The following ARHGEF10 variants were observed in gnomAD, a reference collection of about 807,000 sequenced individuals.
ARHGEF10 encodes the protein Rho guanine nucleotide exchange factor 10.
ARHGEF10 carries 140 observed loss-of-function variants against 147.4 expected under a neutral mutation model. The observed-to-expected ratio is 0.95, with a 90% CI of 0.83 to 1.09. The LOEUF is 1.09. Ranked by LOEUF, ARHGEF10 falls within the 50% of genes least tolerant of loss-of-function variation. The pLI, the probability that ARHGEF10 is intolerant of heterozygous loss-of-function variation, is 0.00. For missense variants in ARHGEF10, 2,222 were observed against 1,752.7 expected (o/e 1.27, Z -4.78); for synonymous variants, 902 against 695.8 (o/e 1.30, Z -4.67).
chr8:1,929,654 T>G (rs1306830369), intron 25 of ARHGEF10, among the ~76,000 whole-genome samples: 1 of 152,162 alleles, frequency 6.6e-6, no homozygotes, highest in Non-Finnish European at 1.5e-5. Flanking sequence ...CAGAAGTCAG[T>G]CTGCCCGTCT....
chr8:1,879,258 G>A (rs1309723136), intron 8 of ARHGEF10, among the ~76,000 whole-genome samples: 1 of 152,142 alleles, frequency 6.6e-6, no homozygotes, highest in Non-Finnish European at 1.5e-5. Flanking sequence ...CCGTCAGTTA[G>A]AGAGAAAGTG....
At chr8:1,838,353 C>A (rs1803716644) in intron 1 of ARHGEF10, among the ~76,000 whole-genome samples, 1 of 152,242 alleles carries the variant, frequency 6.6e-6, no homozygotes, top group Admixed American at 6.5e-5. Context: ...GGAACGTACT[C>A]TTCTTCCATC....
intron 7 of ARHGEF10, 67 bp from the exon 8 acceptor site, chr8:1,876,504 A>G (rs759896424): frequency 3.6e-5 from 54 of 1,512,884 alleles, no homozygotes; most frequent in Non-Finnish European, 4.7e-5. Context: ...TAAAACCACA[A>G]ACAGGCACAA....
At position 1,857,883 on chromosome 8, in the gene ARHGEF10, T is replaced by G. The variant is rs560936971; in HGVS notation, c.38-77T>G. 1,816 of 608,428 alleles carry G rather than the reference T, an allele frequency of 3.0e-3. 15 individuals are homozygous for G. In the African/African-American group the frequency reaches 0.038, roughly 13 times the overall value. 37.7% of individuals were successfully genotyped at this position (608,428 alleles called of 1,614,324 possible). On this transcript the variant is annotated intron_variant, in intron 2 of 28. Transcript: ENST00000349830. ...TCTGGCTAACATAGATCGATCGATC[T>G]ATCTATCTATCTATCTATCTATCTA...
At chr8:1,878,312 C>T (rs1470489726) in intron 8 of ARHGEF10, among the ~76,000 whole-genome samples, 5 of 152,070 alleles carry the variant, frequency 3.3e-5, no homozygotes, top group Non-Finnish European at 7.4e-5. Context: ...GCCTCAGCCT[C>T]TCAAGTAGCT....
At chr8:1,909,198 C>T (rs1311738725) in intron 17 of ARHGEF10, 97 bp from the exon 18 acceptor site, 6 of 1,496,674 alleles carry the variant, frequency 4.0e-6, no homozygotes, top group African/African-American at 2.8e-5. Flanking sequence ...TACAATTCAG[C>T]AGTGGGAAGT....
Position 1,876,275 on chromosome 8 carries a change from G to C in ARHGEF10, c.680-296G>C, listed in dbSNP as rs35171866. The C allele has an allele frequency of 8.3e-3, 3,919 of 474,072 alleles. 31 individuals carry two copies. Among genetic ancestry groups the C allele is most frequent in the Middle Eastern group, 0.022 (38 of 1,690 alleles). The allele number at this position is 474,072 out of a possible 1,614,324, so 29.4% of individuals were successfully genotyped here. ...GTTCTCTAAGGCTGACAAGTTACCT[G>C]GCATGACTGTGGCGGATGCCCATAG... On this transcript the variant is annotated intron_variant, in intron 7 of 28. Coordinates refer to ENST00000349830, the MANE Select transcript of ARHGEF10 (RefSeq NM_014629.4).
At chr8:1,858,163 GGTGAGTCCCCAGGTGGGTCCCCAT>G in intron 3 of ARHGEF10, 48 bp downstream of exon 3, 1 of 1,563,718 alleles carries the variant, frequency 6.4e-7, no homozygotes, top group Non-Finnish European at 8.7e-7. Flanking sequence ...TGGGTCCCCA[GGTGAGTCCCCAGGTGGGTCCCCAT>G]GTGAGTCACC....
intron 1 of ARHGEF10, among the ~76,000 whole-genome samples, chr8:1,838,098 C>G (rs1371907765): frequency 1.3e-5 from 2 of 152,158 alleles, no homozygotes; most frequent in Admixed American, 1.3e-4. Flanking sequence ...TCCTGTTCCC[C>G]GAGGTCCTGG....
chr8:1,954,399 T>C (rs1340792296), intron 28 of ARHGEF10, among the ~76,000 whole-genome samples: 1 of 152,118 alleles, frequency 6.6e-6, no homozygotes, highest in Non-Finnish European at 1.5e-5. Context: ...GCAGTGCTCA[T>C]TGGAGGAATT....
chr8:1,941,899 C>G (rs1424409164), intron 26 of ARHGEF10, among the ~76,000 whole-genome samples: 1 of 152,152 alleles, frequency 6.6e-6, no homozygotes, highest in Non-Finnish European at 1.5e-5. Flanking sequence ...GCTGCTGGCA[C>G]AACTTCATTC....
chr8:1,895,000 C>A (rs1169104819), intron 13 of ARHGEF10, among the ~76,000 whole-genome samples: 3 of 152,178 alleles, frequency 2.0e-5, no homozygotes, highest in Non-Finnish European at 4.4e-5. Context: ...TTATCTGTGC[C>A]TGGGAAAAAT....
At chr8:1,912,505 T>C (rs1438204721) in intron 18 of ARHGEF10, among the ~76,000 whole-genome samples, 2 of 151,684 alleles carry the variant, frequency 1.3e-5, no homozygotes, top group African/African-American at 4.8e-5. Context: ...GAGCTCCCCA[T>C]CCCTGCAAAA....
chr8:1,907,827 G>A (rs948062233), intron 17 of ARHGEF10, among the ~76,000 whole-genome samples: 3 of 152,162 alleles, frequency 2.0e-5, no homozygotes, highest in African/African-American at 7.2e-5. Flanking sequence ...GACAGTGCCC[G>A]AAGGTGATGA....
At chr8:1,927,792 T>G (rs1409703749) in intron 23 of ARHGEF10, among the ~76,000 whole-genome samples, 1 of 152,096 alleles carries the variant, frequency 6.6e-6, no homozygotes, top group African/African-American at 2.4e-5. Context: ...AATGCAAAAA[T>G]TAGCCGGATG....
Position 1,903,312 on chromosome 8 carries a change from C to T in ARHGEF10, c.1682C>T (p.Pro561Leu). The T allele has an allele frequency of 1.2e-6, 2 of 1,614,116 alleles. No individual in the cohort carries two copies. Among genetic ancestry groups the T allele is most frequent in the Non-Finnish European group, 8.5e-7 (1 of 1,180,040 alleles). The change falls in exon 16 of 29, where the codon CCC becomes CTC. Residue 561 changes from proline (P) to leucine (L), a missense_variant. Physicochemically the swap from Pro to Leu is moderately conservative, Grantham distance 98. Coordinates refer to ENST00000349830, the MANE Select transcript of ARHGEF10 (RefSeq NM_014629.4). The part of the protein sequence containing the change: ...DMLKNTSKGH[P>L]DRLPLQMALT... Reference sequence around the variant, plus strand: ...CTGAAGAACACCTCCAAAGGCCACCCCGACAGGCTGCCTCTTCAGATGGCC... The same window carrying T: ...CTGAAGAACACCTCCAAAGGCCACCTCGACAGGCTGCCTCTTCAGATGGCC...
intron 17 of ARHGEF10, among the ~76,000 whole-genome samples, chr8:1,908,529 G>A (rs1378766356): frequency 6.6e-6 from 1 of 152,064 alleles, no homozygotes; most frequent in Non-Finnish European, 1.5e-5. Flanking sequence ...ACCGCGCCCG[G>A]CCCACACTTT....
intron 27 of ARHGEF10, among the ~76,000 whole-genome samples, chr8:1,949,979 C>T (rs901275466): frequency 2.6e-5 from 4 of 152,140 alleles, no homozygotes; most frequent in Admixed American, 6.5e-5. Flanking sequence ...TTTACACCCC[C>T]AGCTTCTCCC....
chr8:1,951,493 C>T (rs1322266798), intron 27 of ARHGEF10, among the ~76,000 whole-genome samples: 1 of 152,164 alleles, frequency 6.6e-6, no homozygotes, highest in Non-Finnish European at 1.5e-5. Context: ...CTTTCTTTTT[C>T]TGTAGTGAGG....
Sources: gnomAD v4.1 joint callset for allele counts (sites outside exome capture counted in the v4.1 genomes callset) on GRCh38, gnomAD v4.1.1 for gene constraint, MANE v1.5 for transcripts, NCBI Gene and HGNC (gene_info 2026-07-23, HGNC 2026-07-21) for gene names.